PTPRN2: variants seen among roughly 807,000 people sequenced by gnomAD.
PTPRN2 encodes protein tyrosine phosphatase receptor type N2.
PTPRN2 carries 74 observed loss-of-function variants against 118.8 expected under a neutral mutation model. The observed-to-expected ratio is 0.62, with a 90% CI of 0.52 to 0.76. PTPRN2 has a LOEUF of 0.76. PTPRN2 is among the 30% of genes least tolerant of loss of function. PTPRN2 has a pLI of 0.00. For synonymous variants in PTPRN2, 641 were observed against 608.0 expected (o/e 1.05, Z -0.80); for missense variants, 1,481 against 1,394.4 (o/e 1.06, Z -0.99).
chr7:157,913,239 ACAGCT>A (rs1798197874), intron 11 of PTPRN2, among the ~76,000 whole-genome samples: 2 of 152,224 alleles, frequency 1.3e-5, no homozygotes, highest in Non-Finnish European at 2.9e-5. Flanking sequence ...ATATACAAAT[ACAGCT>A]GACTTTTGCA....
At chr7:158,377,504 C>T (rs1284855910) in intron 2 of PTPRN2, among the ~76,000 whole-genome samples, 1 of 152,202 alleles carries the variant, frequency 6.6e-6, no homozygotes, top group African/African-American at 2.4e-5. Flanking sequence ...CCACCACGAA[C>T]CCACAGGCTG....
chr7:158,340,576 A>T (rs1187479638), intron 2 of PTPRN2, among the ~76,000 whole-genome samples: 2 of 120,158 alleles, frequency 1.7e-5, no homozygotes, highest in African/African-American at 3.0e-5. Flanking sequence ...ATCTCACCAT[A>T]AGAGCCGACG....
chr7:158,523,380 GTCTGCCCTGGAGCGGAGTCA>G (rs1200437579), intron 1 of PTPRN2, among the ~76,000 whole-genome samples: 2,384 of 136,288 alleles, frequency 0.017, 69 homozygotes, highest in African/African-American at 0.059. Flanking sequence ...GAGTGGAGTC[GTCTGCCCTGGAGCGGAGTCA>G]TCTGCCCTGG....
At chr7:158,284,666 C>T (rs1359423405) in intron 3 of PTPRN2, among the ~76,000 whole-genome samples, 1 of 152,176 alleles carries the variant, frequency 6.6e-6, no homozygotes. Context: ...TCCGCTTATT[C>T]CTGACCCTCC....
chr7:157,739,816 A>C (rs1040704969), intron 12 of PTPRN2, among the ~76,000 whole-genome samples: 2 of 152,206 alleles, frequency 1.3e-5, no homozygotes, highest in African/African-American at 2.4e-5. Context: ...AGAGAACAGG[A>C]CACCTCCCAA....
rs188602354 is a variant in PTPRN2 at position 158,036,720 on chromosome 7, T to A, written c.1723+44578A>T. ...AAGATTTGGTCCATTCAAAATTTTTTAAATTTTAAGAAACTAGGAATAAAG... is the reference window on the plus strand; with the variant it reads ...AAGATTTGGTCCATTCAAAATTTTTAAAATTTTAAGAAACTAGGAATAAAG... On this transcript the variant is annotated intron_variant, in intron 11 of 22. Transcript: ENST00000389418. Among the ~76,000 whole-genome samples, 166 of 152,338 alleles carry A rather than the reference T, an allele frequency of 1.1e-3. 1 individual carries two copies. Among genetic ancestry groups the A allele is most frequent in the Middle Eastern group, 3.4e-3 (1 of 294 alleles).
intron 2 of PTPRN2, among the ~76,000 whole-genome samples, chr7:158,452,540 G>A (rs1266518251): frequency 1.3e-5 from 2 of 152,074 alleles, no homozygotes; most frequent in Admixed American, 6.5e-5. Context: ...CTTGTCCCGG[G>A]CGGCCTCCTG....
chr7:158,128,892 G>A (rs569317940), intron 9 of PTPRN2, among the ~76,000 whole-genome samples: 4 of 152,054 alleles, frequency 2.6e-5, no homozygotes, highest in African/African-American at 9.6e-5. Flanking sequence ...ACAACATGGG[G>A]GCCTTCAGGA....
chr7:158,320,566 G>A (rs528701499), intron 2 of PTPRN2, among the ~76,000 whole-genome samples: 5 of 77,642 alleles, frequency 6.4e-5, no homozygotes, highest in East Asian at 6.0e-4. Flanking sequence ...GCCGGGTGGC[G>A]TCCGTGTTCC....
In PTPRN2 at chr7:157,784,362, G is replaced by A. The variant is rs1050769654; in HGVS notation, c.1789-101425C>T. Among the ~76,000 whole-genome samples the A allele has an allele frequency of 1.3e-5, 2 of 152,096 alleles. No homozygotes were observed. The highest frequency in any genetic ancestry group is 2.1e-4 in the South Asian group (1 of 4,830). ...TCAGCAGCCCCTCGAACCTTCACCC[G>A]GGGCTCGTTTGCTGCTTCACACTGG... On this transcript the variant is annotated intron_variant, in intron 12 of 22. Transcript: ENST00000389418. The surrounding 1 kb of genome is among the most constrained non-coding windows in gnomAD (Gnocchi z 4.6).
At chr7:157,696,591 A>G (rs1797787438) in intron 12 of PTPRN2, among the ~76,000 whole-genome samples, 1 of 140,794 alleles carries the variant, frequency 7.1e-6, no homozygotes, top group Non-Finnish European at 1.5e-5. Context: ...CTACCCATGC[A>G]TACTGGATCT....
intron 6 of PTPRN2, among the ~76,000 whole-genome samples, chr7:158,146,162 G>A (rs1183258122): frequency 1.3e-5 from 2 of 152,144 alleles, no homozygotes; most frequent in East Asian, 3.9e-4. Context: ...GAGGAACACA[G>A]TCAGAGAGCC....
At chr7:158,132,373 A>G (rs1366493722) in intron 9 of PTPRN2, among the ~76,000 whole-genome samples, 4 of 152,086 alleles carry the variant, frequency 2.6e-5, no homozygotes, top group Non-Finnish European at 4.4e-5. Context: ...ACATACACTC[A>G]TACACACACA....
intron 2 of PTPRN2, among the ~76,000 whole-genome samples, chr7:158,460,700 T>C (rs1295266515): frequency 6.6e-6 from 1 of 152,256 alleles, no homozygotes; most frequent in Non-Finnish European, 1.5e-5. Context: ...TGAGAATTCA[T>C]CTGCTCTGTC....
chr7:158,337,081 C>G (rs201769898), intron 2 of PTPRN2, among the ~76,000 whole-genome samples: 65 of 140,880 alleles, frequency 4.6e-4, no homozygotes, highest in African/African-American at 1.6e-3. Flanking sequence ...CACCCGCAGA[C>G]GTCACTCACA....
intron 11 of PTPRN2, among the ~76,000 whole-genome samples, chr7:157,959,825 C>T (rs1028393150): frequency 3.9e-5 from 6 of 152,162 alleles, no homozygotes; most frequent in Admixed American, 2.0e-4. Context: ...CACAATTCCA[C>T]GTGAGGTAAA....
chr7:157,766,499 T>C (rs73521425), intron 12 of PTPRN2, among the ~76,000 whole-genome samples: 1,936 of 152,342 alleles, frequency 0.013, 36 homozygotes, highest in African/African-American at 0.044. Context: ...CATCCATTGA[T>C]CCACCCATAA....
chr7:157,706,921 C>T (rs1034355749), intron 12 of PTPRN2, among the ~76,000 whole-genome samples: 10 of 149,428 alleles, frequency 6.7e-5, no homozygotes, highest in African/African-American at 2.5e-4. Flanking sequence ...ATGCCGGGAA[C>T]TGAGCAAATC....
chr7:158,163,354 T>C lies in PTPRN2; in HGVS notation c.910+3577A>G, dbSNP rs73745188. Among the ~76,000 whole-genome samples, 167 of 151,160 alleles carry C rather than the reference T, an allele frequency of 1.1e-3. 1 individual carries two copies. The highest frequency in any genetic ancestry group is 3.9e-3 in the African/African-American group (161 of 40,886). On this transcript the variant is annotated intron_variant, in intron 6 of 22. Coordinates refer to ENST00000389418, the MANE Select transcript of PTPRN2 (RefSeq NM_002847.5). The stretch of plus-strand genomic sequence containing the variant: ...TTCTCTCTATTTCATAGGTGACGCC[T>C]GTACGGGGTTCTCAATATTCTCTGC...
Sources: allele counts gnomAD v4.1 joint callset (sites outside exome capture counted in the v4.1 genomes callset), GRCh38; gene constraint gnomAD v4.1.1; non-coding constraint Gnocchi (gnomAD v3.1); transcripts MANE v1.5; gene names NCBI Gene and HGNC (gene_info 2026-07-23, HGNC 2026-07-21).